Variants in ADCY5 observed in about 807,000 individuals in gnomAD.
ADCY5 encodes adenylate cyclase type 5.
ADCY5 carries 30 observed loss-of-function variants against 119.7 expected under a neutral mutation model. The observed-to-expected ratio is 0.25, with a 90% CI of 0.19 to 0.34. The LOEUF (loss-of-function observed/expected upper bound fraction) is 0.34, where lower values mean the gene tolerates loss of function less well. ADCY5 is among the 10% of genes least tolerant of loss of function. ADCY5 has a pLI of 1.00. For missense variants in ADCY5, 1,324 were observed against 1,775.2 expected, an observed-to-expected ratio of 0.75 and a Z score of 4.57; for synonymous variants, 753 against 762.2, an observed-to-expected ratio of 0.99 and a Z score of 0.20.
chr3:123,323,116 T>C (rs919860791), intron 8 of ADCY5, among the ~76,000 whole-genome samples: 2 of 152,210 alleles, frequency 1.3e-5, no homozygotes, highest in African/African-American at 4.8e-5. Flanking sequence ...AGGCTGTCCA[T>C]TGATGGCAGC....
At position 123,289,843 on chromosome 3, in the gene ADCY5, G is replaced by GGGT. The variant is rs767767038; in HGVS notation, c.3436_3438dup (p.Thr1146dup). ...GCAAAGTCGGCCAGTGCCTTGATGT[G>GGGT]GGTCTTGCCCACCTTGTCGTAGGTA... is the stretch of plus-strand genomic sequence containing the variant. On this transcript the variant is annotated inframe_insertion, in exon 19 of 21. Coordinates refer to ENST00000462833, the MANE Select transcript of ADCY5 (RefSeq NM_183357.3). 4 of 1,614,248 alleles carry GGGT rather than the reference G, an allele frequency of 2.5e-6. No homozygotes were observed. The highest frequency in any genetic ancestry group is 3.4e-6 in the Non-Finnish European group (4 of 1,180,048).
chr3:123,388,079 G>A lies in ADCY5; in HGVS notation c.1135-35498C>T, dbSNP rs1388294394. ...AACAGCTGTTCAGGGGTGTAGGGAA[G>A]ATGGGGGGAAGCCAGTATTTTGGGC... On this transcript the variant is annotated intron_variant, in intron 1 of 20. Transcript: ENST00000462833. Among the ~76,000 whole-genome samples, 2 of 152,260 alleles carry A rather than the reference G, an allele frequency of 1.3e-5. 1 individual carries two copies. Among genetic ancestry groups the A allele is most frequent in the South Asian group, 4.2e-4 (2 of 4,816 alleles).
chr3:123,387,896 G>T (rs1944277277), intron 1 of ADCY5, among the ~76,000 whole-genome samples: 1 of 152,156 alleles, frequency 6.6e-6, no homozygotes. Flanking sequence ...GCACCAGAAA[G>T]GAAAGGAAAG....
intron 12 of ADCY5, among the ~76,000 whole-genome samples, chr3:123,305,132 G>A (rs1940131087): frequency 6.6e-6 from 1 of 152,188 alleles, no homozygotes; most frequent in African/African-American, 2.4e-5. Context: ...GTGTGTTCCT[G>A]AGCAAGCCGC....
intron 15 of ADCY5, among the ~76,000 whole-genome samples, chr3:123,297,862 A>T (rs1038777632): frequency 3.3e-5 from 5 of 152,192 alleles, no homozygotes; most frequent in Non-Finnish European, 7.3e-5. Flanking sequence ...AAGGTAAAAT[A>T]TTTCATTAAG....
chr3:123,289,737 G>A lies in ADCY5; in HGVS notation c.3532+13C>T, dbSNP rs903654819. 3 of 1,612,378 alleles carry A rather than the reference G, an allele frequency of 1.9e-6. No individual in the cohort carries two copies. The highest frequency in any genetic ancestry group is 2.7e-5 in the African/African-American group (2 of 74,876). On this transcript the variant is annotated intron_variant, in intron 19 of 20. Transcript: ENST00000462833. Reference sequence around the variant, plus strand: ...TGCACCCTGGGCTCAGCACTCCCTGGGCCCCCACTCACCGATCTTCATCTG... The same window carrying A: ...TGCACCCTGGGCTCAGCACTCCCTGAGCCCCCACTCACCGATCTTCATCTG...
intron 3 of ADCY5, among the ~76,000 whole-genome samples, chr3:123,342,539 G>C (rs1002674605): frequency 2.0e-5 from 3 of 152,192 alleles, no homozygotes; most frequent in Non-Finnish European, 4.4e-5. Context: ...TCGGGTGCCT[G>C]ATCCAAGTTG....
At position 123,295,357 on chromosome 3, in the gene ADCY5, T is replaced by C. The variant is rs1299578429; in HGVS notation, c.3063+727A>G. The stretch of plus-strand genomic sequence containing the variant: ...CACAGGGCTGGGCTGGAATAAAAGG[T>C]GTGAGGCAGCCCACAGGAAGACAGG... On this transcript the variant is annotated intron_variant, in intron 17 of 20. Coordinates refer to ENST00000462833, the MANE Select transcript of ADCY5 (RefSeq NM_183357.3). Among the ~76,000 whole-genome samples the C allele has an allele frequency of 2.6e-5, 4 of 151,948 alleles. No homozygotes were observed. In the East Asian group the frequency reaches 7.7e-4, roughly 29 times the overall value.
At chr3:123,306,175 A>G (rs1029007717) in intron 12 of ADCY5, among the ~76,000 whole-genome samples, 1 of 152,276 alleles carries the variant, frequency 6.6e-6, no homozygotes, top group Non-Finnish European at 1.5e-5. Flanking sequence ...TTGTATTAAA[A>G]TCCTGCTTAA....
At chr3:123,297,066 C>T in intron 16 of ADCY5, 1 of 1,535,356 alleles carries the variant, frequency 6.5e-7, no homozygotes, top group Non-Finnish European at 8.7e-7. Flanking sequence ...TGGGGAAGAG[C>T]TTGAGGTTAA....
At chr3:123,356,518 A>G (rs1943043236) in intron 1 of ADCY5, among the ~76,000 whole-genome samples, 1 of 152,246 alleles carries the variant, frequency 6.6e-6, no homozygotes, top group South Asian at 2.1e-4. Context: ...AGAACAATTA[A>G]ATATTCATAT....
rs1227789970 is a variant in ADCY5 at position 123,352,001 on chromosome 3, CTCT to C, written c.1284+428_1284+430del. Among the ~76,000 whole-genome samples, 1 of 152,236 alleles carries C rather than the reference CTCT, an allele frequency of 6.6e-6. No individual in the cohort carries two copies. Among genetic ancestry groups the C allele is most frequent in the Non-Finnish European group, 1.5e-5 (1 of 68,050 alleles). On this transcript the variant is annotated intron_variant, in intron 2 of 20. Coordinates refer to ENST00000462833, the MANE Select transcript of ADCY5 (RefSeq NM_183357.3). This position sits in a 1 kb window ranked among gnomAD's most constrained non-coding sequence, Gnocchi z 4.8. ...TTCAGGGGATGACAGCTCCTGTCTC[CTCT>C]TCTTCTCCCTCATCCCTCCCCTGCG...
intron 1 of ADCY5, among the ~76,000 whole-genome samples, chr3:123,443,808 A>C (rs574550355): frequency 1.5e-4 from 23 of 152,166 alleles, no homozygotes; most frequent in Non-Finnish European, 2.8e-4. Context: ...CTCAGAAACC[A>C]TGTCAGGCAG....
chr3:123,294,983 C>T lies in ADCY5; in HGVS notation c.3063+1101G>A, dbSNP rs150858372. 9.6e-3 allele frequency among the ~76,000 whole-genome samples: 1,465 copies of T among 152,234 alleles called. 11 individuals carry two copies. The highest frequency in any genetic ancestry group is 0.015 in the Non-Finnish European group (986 of 67,988). Reference sequence around the variant, plus strand: ...AAGGGGCAGGCTCACACAGGATCTTCCCCAGGGTGCCCCAGCCCAGGGCTT... The same window carrying T: ...AAGGGGCAGGCTCACACAGGATCTTTCCCAGGGTGCCCCAGCCCAGGGCTT... On this transcript the variant is annotated intron_variant, in intron 17 of 20. Coordinates refer to ENST00000462833, the MANE Select transcript of ADCY5 (RefSeq NM_183357.3).
intron 1 of ADCY5, among the ~76,000 whole-genome samples, chr3:123,417,394 A>T (rs1345562124): frequency 6.6e-6 from 1 of 152,238 alleles, no homozygotes; most frequent in Non-Finnish European, 1.5e-5. Flanking sequence ...CTGGCCAGTG[A>T]GCCCTCTTCC....
chr3:123,446,339 C>T (rs1431778573), intron 1 of ADCY5, among the ~76,000 whole-genome samples: 5 of 152,220 alleles, frequency 3.3e-5, no homozygotes, highest in Non-Finnish European at 7.3e-5. Context: ...TTAAGAGGTT[C>T]TATTCGAGAA....
chr3:123,385,077 TCTC>T (rs1944172727), intron 1 of ADCY5, among the ~76,000 whole-genome samples: 1 of 151,596 alleles, frequency 6.6e-6, no homozygotes, highest in Non-Finnish European at 1.5e-5. Context: ...CAGGCCCCCC[TCTC>T]CTTACAGCCG....
intron 1 of ADCY5, among the ~76,000 whole-genome samples, chr3:123,446,668 C>T (rs1945820719): frequency 1.3e-5 from 2 of 152,232 alleles, no homozygotes; most frequent in Admixed American, 1.3e-4. Flanking sequence ...CAACAAATCC[C>T]AGCAGGGATA....
chr3:123,428,341 C>T (rs1437875096), intron 1 of ADCY5, among the ~76,000 whole-genome samples: 1 of 152,214 alleles, frequency 6.6e-6, no homozygotes, highest in East Asian at 1.9e-4. Context: ...TGTAGTGTAA[C>T]AATTGGTGTC....
Sources: allele counts gnomAD v4.1 joint callset (sites outside exome capture counted in the v4.1 genomes callset), GRCh38; gene constraint gnomAD v4.1.1; non-coding constraint Gnocchi (gnomAD v3.1); transcripts MANE v1.5; gene names NCBI Gene and HGNC (gene_info 2026-07-23, HGNC 2026-07-21).